Variants in AFF3 observed in about 807,000 individuals in gnomAD.
The protein encoded by AFF3 is AF4/FMR2 family member 3.
AFF3 carries 32 observed loss-of-function variants against 129.7 expected under a neutral mutation model. The ratio of observed to expected loss-of-function variants is 0.25; its 90% confidence interval spans 0.19 to 0.33. The LOEUF (loss-of-function observed/expected upper bound fraction) is 0.33, where lower values mean the gene tolerates loss of function less well. Among genes scored for constraint, AFF3 ranks in the 10% least tolerant of loss-of-function variants. The probability of loss-of-function intolerance (pLI) is 1.00; values close to 1 mark genes in which losing one functional copy is unlikely to be tolerated. For missense variants in AFF3, 1,373 were observed against 1,592.0 expected, an observed-to-expected ratio of 0.86 and a Z score of 2.34; for synonymous variants, 644 against 635.4, an observed-to-expected ratio of 1.01 and a Z score of -0.20.
chr2:99,846,879 A>C (rs553660081), intron 7 of AFF3, among the ~76,000 whole-genome samples: 2 of 152,302 alleles, frequency 1.3e-5, no homozygotes, highest in South Asian at 4.2e-4. Flanking sequence ...ACGGGGTCTC[A>C]GCTCTTCCTG....
rs544759358 is a variant in AFF3 at position 99,856,112 on chromosome 2, C to T, written c.874-18588G>A. Reference sequence around the variant, plus strand: ...ATGGAAGTCTAAGAAGATATGACAACGAAATGTGTGGTATTCTAGATGAAA... The same window carrying T: ...ATGGAAGTCTAAGAAGATATGACAATGAAATGTGTGGTATTCTAGATGAAA... On this transcript the variant is annotated intron_variant, in intron 7 of 24. Transcript: ENST00000672756. Among the ~76,000 whole-genome samples, 42 of 152,012 alleles carry T rather than the reference C, an allele frequency of 2.8e-4. No individual in the cohort carries two copies. In the South Asian group the frequency reaches 4.6e-3, roughly 17 times the overall value.
chr2:99,673,655 C>T (rs1687362533), intron 11 of AFF3, among the ~76,000 whole-genome samples: 2 of 152,174 alleles, frequency 1.3e-5, no homozygotes, highest in African/African-American at 4.8e-5. Flanking sequence ...CCCGCTGAGC[C>T]CTTGTGCTCA....
At chr2:99,925,527 G>A (rs910807330) in intron 7 of AFF3, among the ~76,000 whole-genome samples, 12 of 152,060 alleles carry the variant, frequency 7.9e-5, no homozygotes, top group South Asian at 4.1e-4. Context: ...GCACATAGTC[G>A]GCACTCAGTG....
intron 4 of AFF3, among the ~76,000 whole-genome samples, chr2:100,091,129 T>C (rs1338981428): frequency 6.6e-6 from 1 of 152,014 alleles, no homozygotes; most frequent in Non-Finnish European, 1.5e-5. Context: ...TTCCCAGCTC[T>C]GCCTTACTAA....
chr2:99,714,253 C>A (rs1436352750), intron 11 of AFF3, among the ~76,000 whole-genome samples: 1 of 152,200 alleles, frequency 6.6e-6, no homozygotes, highest in Non-Finnish European at 1.5e-5. Flanking sequence ...CAGCCCAAAG[C>A]TGACTCCTTG....
intron 5 of AFF3, among the ~76,000 whole-genome samples, chr2:100,008,357 G>A (rs1326091329): frequency 6.6e-6 from 1 of 152,114 alleles, no homozygotes; most frequent in African/African-American, 2.4e-5. Flanking sequence ...TCTGGCCTTT[G>A]GTAAAAATGA....
intron 2 of AFF3, among the ~76,000 whole-genome samples, chr2:100,116,220 T>C (rs1034803010): frequency 2.6e-5 from 4 of 152,118 alleles, no homozygotes; most frequent in Non-Finnish European, 4.4e-5. Flanking sequence ...CTTTTTGCCT[T>C]TCTATATCCT....
chr2:99,601,847 C>T (rs527832563), intron 13 of AFF3, among the ~76,000 whole-genome samples: 1 of 152,238 alleles, frequency 6.6e-6, no homozygotes, highest in Non-Finnish European at 1.5e-5. Context: ...GTTGGTGCCC[C>T]TTGGTAGTCG....
At chr2:100,125,954 G>A (rs1692169291) in intron 2 of AFF3, among the ~76,000 whole-genome samples, 1 of 152,160 alleles carries the variant, frequency 6.6e-6, no homozygotes, top group Admixed American at 6.5e-5. Flanking sequence ...CACACACTTG[G>A]GACCAGGGTG....
At chr2:99,752,859 AAC>A (rs979313891) in intron 8 of AFF3, among the ~76,000 whole-genome samples, 6 of 152,196 alleles carry the variant, frequency 3.9e-5, no homozygotes, top group South Asian at 2.1e-4. Flanking sequence ...CATTTCTTAT[AAC>A]ACAGTATTAA....
intron 4 of AFF3, among the ~76,000 whole-genome samples, chr2:100,018,037 T>TAC (rs1683282474): frequency 1.3e-5 from 2 of 151,888 alleles, no homozygotes; most frequent in African/African-American, 4.8e-5. Context: ...TGTGTGTATA[T>TAC]ATATATATAG....
intron 4 of AFF3, among the ~76,000 whole-genome samples, chr2:100,093,164 T>A (rs1182000498): frequency 6.6e-6 from 1 of 151,698 alleles, no homozygotes; most frequent in African/African-American, 2.4e-5. Flanking sequence ...TGGAGTGCAG[T>A]GGTGCAATCA....
At chr2:99,794,183 T>C (rs1348310060) in intron 8 of AFF3, among the ~76,000 whole-genome samples, 1 of 152,258 alleles carries the variant, frequency 6.6e-6, no homozygotes, top group East Asian at 1.9e-4. Flanking sequence ...CTATTTTCCT[T>C]TTGCTATGGG....
chr2:100,064,365 C>A (rs1687551340), intron 4 of AFF3, among the ~76,000 whole-genome samples: 1 of 152,124 alleles, frequency 6.6e-6, no homozygotes, highest in Admixed American at 6.6e-5. Flanking sequence ...TGACACTAAA[C>A]CTACCTCCTC....
chr2:99,917,239 T>C (rs1695533384), intron 7 of AFF3, among the ~76,000 whole-genome samples: 1 of 152,216 alleles, frequency 6.6e-6, no homozygotes, highest in Non-Finnish European at 1.5e-5. Flanking sequence ...CTGAGGCTAC[T>C]AACAGGGTGT....
At chr2:99,919,948 C>G (rs1051051305) in intron 7 of AFF3, among the ~76,000 whole-genome samples, 6 of 151,924 alleles carry the variant, frequency 3.9e-5, no homozygotes, top group Non-Finnish European at 5.9e-5. Flanking sequence ...AGCATTATGC[C>G]AGTATATTCA....
intron 8 of AFF3, among the ~76,000 whole-genome samples, chr2:99,821,715 G>A (rs1325858234): frequency 6.6e-6 from 1 of 152,214 alleles, no homozygotes; most frequent in Non-Finnish European, 1.5e-5. Flanking sequence ...TGGAAGCACA[G>A]TAGGTTTGCC....
At chr2:100,106,235 G>C (rs994876586) in intron 2 of AFF3, 44 of 1,182,264 alleles carry the variant, frequency 3.7e-5, no homozygotes, top group Middle Eastern at 7.6e-4. Flanking sequence ...TTAAGACAGA[G>C]TTGGCATCAA....
At chr2:100,049,123 T>C (rs1480165076) in intron 4 of AFF3, among the ~76,000 whole-genome samples, 1 of 152,084 alleles carries the variant, frequency 6.6e-6, no homozygotes, top group East Asian at 1.9e-4. Context: ...TCTCAAAAGA[T>C]CACCCCACAG....
Sources: gnomAD v4.1 joint callset for allele counts (sites outside exome capture counted in the v4.1 genomes callset) on GRCh38, gnomAD v4.1.1 for gene constraint, MANE v1.5 for transcripts, NCBI Gene and HGNC (gene_info 2026-07-23, HGNC 2026-07-21) for gene names.